The following CNTN5 variants were observed in gnomAD, a reference collection of about 807,000 sequenced individuals.
CNTN5 encodes the protein contactin-5.
In CNTN5, 77 loss-of-function variants were observed where a neutral mutation model predicts 129.1. The observed-to-expected ratio is 0.60, with a 90% CI of 0.50 to 0.72. The LOEUF is 0.72. CNTN5 is among the 30% of genes least tolerant of loss of function. The pLI is 0.00. For synonymous variants in CNTN5, 509 were observed against 465.6 expected (o/e 1.09, Z -1.20); for missense variants, 1,478 against 1,328.8 (o/e 1.11, Z -1.75).
At chr11:100,273,148 G>A (rs371356570) in intron 18 of CNTN5, among the ~76,000 whole-genome samples, 6 of 152,114 alleles carry the variant, frequency 3.9e-5, no homozygotes, top group East Asian at 2.0e-4. Context: ...CTTGCAGGGC[G>A]CCCTCGGGAG....
At chr11:99,794,261 T>C (rs1241678791) in intron 3 of CNTN5, among the ~76,000 whole-genome samples, 1 of 152,052 alleles carries the variant, frequency 6.6e-6, no homozygotes, top group African/African-American at 2.4e-5. Flanking sequence ...TTTTTTTCTG[T>C]TTTCCATTTT....
chr11:99,228,789 A>G (rs1860828203), intron 1 of CNTN5, among the ~76,000 whole-genome samples: 1 of 152,012 alleles, frequency 6.6e-6, no homozygotes, highest in Non-Finnish European at 1.5e-5. Flanking sequence ...AGAGCTAATC[A>G]TATATCACTA....
intron 3 of CNTN5, among the ~76,000 whole-genome samples, chr11:99,792,573 G>GTGTGTGTGTCTGTCTGTC (rs34622017): frequency 2.9e-4 from 34 of 116,684 alleles, no homozygotes; most frequent in Middle Eastern, 4.5e-3. Context: ...GTGTGTGTGT[G>GTGTGTGTGTCTGTCTGTC]TGTCTGTCTG....
chr11:99,758,664 G>A (rs1223848241), intron 3 of CNTN5, among the ~76,000 whole-genome samples: 2 of 151,970 alleles, frequency 1.3e-5, no homozygotes, highest in Admixed American at 1.3e-4. Flanking sequence ...AAGGGCTTCA[G>A]GGCTTCTAGG....
intron 16 of CNTN5, among the ~76,000 whole-genome samples, chr11:100,231,581 C>A (rs981032160): frequency 6.6e-6 from 1 of 152,116 alleles, no homozygotes. Flanking sequence ...ATTAATGAGG[C>A]CCCTTTATCC....
chr11:100,306,846 A>C (rs990080881), intron 20 of CNTN5, among the ~76,000 whole-genome samples: 1 of 151,820 alleles, frequency 6.6e-6, no homozygotes, highest in Admixed American at 6.6e-5. Flanking sequence ...AATAATAAAA[A>C]ATATTCAAAA....
intron 1 of CNTN5, among the ~76,000 whole-genome samples, chr11:99,278,116 C>T (rs1487474273): frequency 6.6e-6 from 1 of 151,554 alleles, no homozygotes; most frequent in Non-Finnish European, 1.5e-5. Flanking sequence ...TATTCAGGAG[C>T]CTTTTTTCCT....
At chr11:99,070,461 C>A (rs1591140238) in intron 1 of CNTN5, among the ~76,000 whole-genome samples, 1 of 151,850 alleles carries the variant, frequency 6.6e-6, no homozygotes, top group South Asian at 2.1e-4. Context: ...ACAGCCTGAG[C>A]CCCTATATCC....
At chr11:100,019,448 G>C (rs575073431) in intron 9 of CNTN5, among the ~76,000 whole-genome samples, 1 of 151,812 alleles carries the variant, frequency 6.6e-6, no homozygotes, top group Non-Finnish European at 1.5e-5. Flanking sequence ...TGCAATATTC[G>C]CGTTTCTATG....
intron 2 of CNTN5, among the ~76,000 whole-genome samples, chr11:99,432,475 CTTTT>C (rs1943423009): frequency 7.3e-6 from 1 of 136,088 alleles, no homozygotes; most frequent in Non-Finnish European, 1.6e-5. Flanking sequence ...CTTTTCTTTT[CTTTT>C]CTTTTCTTTT....
chr11:99,758,946 C>T (rs936002017), intron 3 of CNTN5, among the ~76,000 whole-genome samples: 1 of 151,942 alleles, frequency 6.6e-6, no homozygotes, highest in Non-Finnish European at 1.5e-5. Flanking sequence ...TTCCGTATTA[C>T]CTGTGTGGAC....
chr11:99,253,866 TA>T (rs1862239947), intron 1 of CNTN5, among the ~76,000 whole-genome samples: 1 of 147,870 alleles, frequency 6.8e-6, no homozygotes, highest in South Asian at 2.1e-4. Context: ...CCCTGTTGTC[TA>T]TATGAAAATG....
chr11:99,452,370 G>GAGTTTT (rs1944335149), intron 2 of CNTN5, among the ~76,000 whole-genome samples: 1 of 79,304 alleles, frequency 1.3e-5, no homozygotes, highest in African/African-American at 4.2e-5. Flanking sequence ...CTAAACACAG[G>GAGTTTT]TGTTTTTTTT....
In CNTN5 at chr11:100,217,143, T is replaced by A. The variant is rs1949153730; in HGVS notation, c.1885-7549T>A. Among the ~76,000 whole-genome samples, 2 of 152,248 alleles carry A rather than the reference T, an allele frequency of 1.3e-5. 1 individual carries two copies. Among genetic ancestry groups the A allele is most frequent in the South Asian group, 4.1e-4 (2 of 4,832 alleles). ...CAAAACACATCACATTACAGCTGGTTGTTACCTCTAACATTGTGTTGTGAG... is the reference window on the plus strand; with the variant it reads ...CAAAACACATCACATTACAGCTGGTAGTTACCTCTAACATTGTGTTGTGAG... On this transcript the variant is annotated intron_variant, in intron 15 of 24. Transcript: ENST00000524871.
chr11:100,061,322 C>T lies in CNTN5; in HGVS notation c.1091C>T (p.Ala364Val), dbSNP rs200797524. 2.7e-5 allele frequency: 44 copies of T among 1,613,160 alleles called. No homozygotes were observed. The highest frequency in any genetic ancestry group is 8.3e-5 in the Admixed American group (5 of 59,984). ...LEIPNVQLDD[A>V]GIYECRAENS... ...ATACCGAATGTACAGCTGGATGATG[C>T]AGGCATTTATGAGTGCAGAGCTGAA... Residue 364 changes from alanine (A) to valine (V), a missense_variant, in exon 10 of 25, where the codon GCA becomes GTA. Ala to Val is a moderately conservative substitution (Grantham distance 64). Coordinates refer to ENST00000524871, the MANE Select transcript of CNTN5 (RefSeq NM_014361.4).
intron 2 of CNTN5, among the ~76,000 whole-genome samples, chr11:99,463,225 T>G (rs1360525504): frequency 6.6e-6 from 1 of 150,594 alleles, no homozygotes; most frequent in Non-Finnish European, 1.5e-5. Flanking sequence ...GATCACGAGG[T>G]CAGGAGATCG....
chr11:99,217,136 C>T (rs1860168693), intron 1 of CNTN5, among the ~76,000 whole-genome samples: 1 of 152,132 alleles, frequency 6.6e-6, no homozygotes, highest in East Asian at 1.9e-4. Flanking sequence ...GCCAAGATCG[C>T]ACCACTGCAC....
chr11:99,420,428 TG>T (rs1942836767), intron 2 of CNTN5, among the ~76,000 whole-genome samples: 1 of 152,180 alleles, frequency 6.6e-6, no homozygotes, highest in Admixed American at 6.5e-5. Flanking sequence ...GATATTTCAG[TG>T]TTAATGGTAG....
chr11:100,045,117 C>CT (rs35836946), intron 9 of CNTN5, among the ~76,000 whole-genome samples: 46,669 of 149,964 alleles, frequency 0.31, 7,550 homozygotes, highest in East Asian at 0.48. Context: ...TTCCATATTA[C>CT]TTTTTTTTTT....
Sources: gnomAD v4.1 joint callset for allele counts (sites outside exome capture counted in the v4.1 genomes callset) on GRCh38, gnomAD v4.1.1 for gene constraint, MANE v1.5 for transcripts, NCBI Gene and HGNC (gene_info 2026-07-23, HGNC 2026-07-21) for gene names.